Variants in SORCS1 observed in about 807,000 individuals in gnomAD.
The protein encoded by SORCS1 is VPS10 domain-containing receptor SorCS1.
In SORCS1, 60 loss-of-function variants were observed where a neutral mutation model predicts 146.1. That is an observed-to-expected ratio of 0.41 (90% CI 0.33 to 0.51). The LOEUF (loss-of-function observed/expected upper bound fraction) is 0.51, where lower values mean the gene tolerates loss of function less well. SORCS1 is among the 20% of genes least tolerant of loss of function. SORCS1 has a pLI of 0.21. For missense variants in SORCS1, 1,352 were observed against 1,487.6 expected (o/e 0.91, Z 1.50); for synonymous variants, 637 against 584.0 (o/e 1.09, Z -1.31).
chr10:106,958,138 CAG>C (rs1174713235), intron 1 of SORCS1, among the ~76,000 whole-genome samples: 1 of 152,254 alleles, frequency 6.6e-6, no homozygotes, highest in Non-Finnish European at 1.5e-5. Context: ...GAAGATTCCA[CAG>C]AGCAGTGTGT....
intron 4 of SORCS1, among the ~76,000 whole-genome samples, chr10:106,769,284 G>C (rs1859810776): frequency 1.3e-5 from 2 of 152,132 alleles, no homozygotes; most frequent in South Asian, 4.1e-4. Context: ...AGGAGTTTGA[G>C]GCCAGCCTGG....
intron 3 of SORCS1, among the ~76,000 whole-genome samples, chr10:106,824,848 T>G (rs891786055): frequency 6.6e-6 from 1 of 152,144 alleles, no homozygotes; most frequent in Admixed American, 6.5e-5. Flanking sequence ...ATGAAAGTCT[T>G]AGAAGAGTCT....
At chr10:106,839,350 G>A (rs1589519770) in intron 2 of SORCS1, among the ~76,000 whole-genome samples, 1 of 152,168 alleles carries the variant, frequency 6.6e-6, no homozygotes, top group East Asian at 1.9e-4. Context: ...AGTTTTAGTG[G>A]TCTGGCTAGA....
At chr10:106,866,913 A>G (rs1180799274) in intron 2 of SORCS1, among the ~76,000 whole-genome samples, 1 of 152,218 alleles carries the variant, frequency 6.6e-6, no homozygotes, top group African/African-American at 2.4e-5. Context: ...AAACCAATGC[A>G]AAGCCTCTCG....
intron 1 of SORCS1, among the ~76,000 whole-genome samples, chr10:107,124,029 G>A (rs1441167958): frequency 1.3e-5 from 2 of 151,640 alleles, no homozygotes; most frequent in Admixed American, 6.6e-5. Context: ...GGAGCTTGCA[G>A]TGAGCCGAGG....
At chr10:106,636,157 G>A (rs1473698279) in intron 18 of SORCS1, among the ~76,000 whole-genome samples, 1 of 152,072 alleles carries the variant, frequency 6.6e-6, no homozygotes, top group African/African-American at 2.4e-5. Context: ...CACTTCACGA[G>A]GCTGAAGTGA....
intron 3 of SORCS1, among the ~76,000 whole-genome samples, chr10:106,821,715 A>T (rs554557420): frequency 6.6e-6 from 1 of 152,184 alleles, no homozygotes; most frequent in Admixed American, 6.5e-5. Flanking sequence ...AGGTCAGGAG[A>T]TCAAGACCAT....
chr10:106,589,672 C>T (rs1386673554), intron 24 of SORCS1, among the ~76,000 whole-genome samples: 3 of 144,164 alleles, frequency 2.1e-5, no homozygotes, highest in Non-Finnish European at 3.0e-5. Flanking sequence ...CAACATGAAC[C>T]ACCAAATTTA....
intron 1 of SORCS1, among the ~76,000 whole-genome samples, chr10:107,068,476 G>A (rs1028065366): frequency 3.9e-5 from 6 of 152,120 alleles, no homozygotes; most frequent in African/African-American, 1.4e-4. Context: ...TTTTTCTGAA[G>A]GTTAAGTGAC....
intron 5 of SORCS1, among the ~76,000 whole-genome samples, chr10:106,750,505 C>A (rs886323428): frequency 6.6e-6 from 1 of 151,198 alleles, no homozygotes; most frequent in Non-Finnish European, 1.5e-5. Context: ...CCGAGGCGGG[C>A]GGATTACGAG....
chr10:106,897,051 C>T (rs576350383), intron 2 of SORCS1, among the ~76,000 whole-genome samples: 31 of 151,890 alleles, frequency 2.0e-4, no homozygotes, highest in African/African-American at 5.8e-4. Context: ...CCACCGCGCC[C>T]GGCTAATTTT....
At chr10:107,019,638 C>T (rs559513126) in intron 1 of SORCS1, among the ~76,000 whole-genome samples, 2 of 152,252 alleles carry the variant, frequency 1.3e-5, no homozygotes, top group South Asian at 4.2e-4. Flanking sequence ...ATTTAATGCC[C>T]TAACCGTCCA....
chr10:107,005,995 T>C (rs576376656), intron 1 of SORCS1, among the ~76,000 whole-genome samples: 2 of 152,348 alleles, frequency 1.3e-5, no homozygotes, highest in East Asian at 1.9e-4. Context: ...GTGTCATCTT[T>C]AGGCTGTATT....
intron 6 of SORCS1, among the ~76,000 whole-genome samples, chr10:106,728,908 T>C (rs1164545821): frequency 2.6e-5 from 4 of 152,240 alleles, no homozygotes; most frequent in Non-Finnish European, 4.4e-5. Flanking sequence ...TCCTCTCCTC[T>C]ACATCTGAGA....
intron 2 of SORCS1, among the ~76,000 whole-genome samples, chr10:106,951,730 AAC>A (rs1954695619): frequency 6.6e-6 from 1 of 152,180 alleles, no homozygotes; most frequent in South Asian, 2.1e-4. Flanking sequence ...TCTGTTTAAA[AAC>A]ACAGTTACTG....
At chr10:107,072,247 A>T (rs1409580176) in intron 1 of SORCS1, among the ~76,000 whole-genome samples, 2 of 152,210 alleles carry the variant, frequency 1.3e-5, no homozygotes, top group Non-Finnish European at 2.9e-5. Context: ...CTGCAGGCAA[A>T]GCAGGAAGGC....
chr10:106,732,296 G>T (rs1245234778), intron 5 of SORCS1, among the ~76,000 whole-genome samples: 4 of 152,162 alleles, frequency 2.6e-5, no homozygotes, highest in Non-Finnish European at 5.9e-5. Flanking sequence ...ACTGGAATCT[G>T]CTTGAATCCA....
intron 3 of SORCS1, among the ~76,000 whole-genome samples, chr10:106,810,391 T>C (rs944988382): frequency 6.6e-6 from 1 of 152,194 alleles, no homozygotes; most frequent in Non-Finnish European, 1.5e-5. Flanking sequence ...AAAAAATACC[T>C]GCAATTTTTT....
At chr10:106,929,346 AAAGG>A (rs1457246846) in intron 2 of SORCS1, among the ~76,000 whole-genome samples, 3 of 152,168 alleles carry the variant, frequency 2.0e-5, no homozygotes, top group Non-Finnish European at 4.4e-5. Flanking sequence ...TCAAGTCACA[AAAGG>A]AAAGAAAGAA....
Sources: allele counts gnomAD v4.1 joint callset (sites outside exome capture counted in the v4.1 genomes callset), GRCh38; gene constraint gnomAD v4.1.1; transcripts MANE v1.5; gene names NCBI Gene and HGNC (gene_info 2026-07-23, HGNC 2026-07-21).